The following GLS2 variants were observed in gnomAD, a reference collection of about 807,000 sequenced individuals.
GLS2 encodes glutaminase 2.
Under a neutral mutation model 79.0 loss-of-function variants are expected in GLS2, and 52 were observed. That is an observed-to-expected ratio of 0.66 (90% CI 0.53 to 0.83). The LOEUF (loss-of-function observed/expected upper bound fraction) is 0.83. Among genes scored for constraint, GLS2 ranks in the 40% least tolerant of loss-of-function variants. The pLI is 0.00. For missense variants in GLS2, 561 were observed against 764.8 expected (o/e 0.73, Z 3.14); for synonymous variants, 238 against 280.8 (o/e 0.85, Z 1.52).
rs768341870 is a variant in GLS2, at chr12:56,474,879, C to T, written c.1014G>A (p.Val338=). The T allele has an allele frequency of 3.7e-6, 6 of 1,614,156 alleles. No homozygotes were observed. The highest frequency in any genetic ancestry group is 5.1e-6 in the Non-Finnish European group (6 of 1,180,012). The part of the protein sequence containing the change: ...LKEKKCFPKG[V]DMMAALDLYF... ...AGAGATCAAGGGCAGCCATCATGTC[C>T]ACCCCCTTAGGAAAGCACTGCAAGG... Residue 338 remains valine (V), a synonymous_variant, in exon 11 of 18, where the codon GTG becomes GTA. Transcript: ENST00000311966.
chr12:56,479,987 G>A (rs1870157020), intron 2 of GLS2, 86 bp from the exon 3 acceptor site: 1 of 1,523,252 alleles, frequency 6.6e-7, no homozygotes, highest in Admixed American at 1.9e-5. Context: ...TACCCAATTA[G>A]CTGAACCCCA....
At chr12:56,473,774 T>C in intron 12 of GLS2, 180 bp from the exon 13 acceptor site, 1 of 677,512 alleles carries the variant, frequency 1.5e-6, no homozygotes, top group Non-Finnish European at 2.3e-6. Flanking sequence ...TTAAATTCAT[T>C]GATTCAGCTA....
chr12:56,481,199 C>CTTTTTTTTTTTTT (rs767616017), intron 1 of GLS2, among the ~76,000 whole-genome samples: 6 of 78,986 alleles, frequency 7.6e-5, no homozygotes, highest in East Asian at 4.4e-4. Flanking sequence ...TGCCAGTGAT[C>CTTTTTTTTTTTTT]TTTTTTTTTT....
Position 56,479,089 on chromosome 12 carries a change from C to G in GLS2, c.497G>C (p.Arg166Pro). 8 of 1,613,766 alleles carry G rather than the reference C, an allele frequency of 5.0e-6. No homozygotes were observed. The highest frequency in any genetic ancestry group is 6.8e-6 in the Non-Finnish European group (8 of 1,179,922). Residue 166 changes from arginine (R) to proline (P), a missense_variant, in exon 4 of 18, where the codon CGC becomes CCC. Arg to Pro is a moderately radical substitution (Grantham distance 103). Coordinates refer to ENST00000311966, the MANE Select transcript of GLS2 (RefSeq NM_013267.4). ...GAGCTCTTTGACATCCTCAAAGATGCGATCCACATGGCCCGTGAACTCCTC... is the reference window on the plus strand; with the variant it reads ...GAGCTCTTTGACATCCTCAAAGATGGGATCCACATGGCCCGTGAACTCCTC... ...DFEEFTGHVD[R>P]IFEDVKELTG...
At chr12:56,481,427 C>T (rs1400470467) in intron 1 of GLS2, among the ~76,000 whole-genome samples, 3 of 150,062 alleles carry the variant, frequency 2.0e-5, no homozygotes, top group African/African-American at 4.9e-5. Context: ...AGGCTGGTCT[C>T]GAACGCCTTA....
chr12:56,475,166 G>A (rs1245101388), intron 9 of GLS2, 56 bp from the exon 10 acceptor site: 1 of 1,610,890 alleles, frequency 6.2e-7, no homozygotes, highest in Non-Finnish European at 8.5e-7. Flanking sequence ...GTTGGGAGAA[G>A]GGGAAAAATT....
At chr12:56,475,221 G>C (rs1869700781) in intron 9 of GLS2, 111 bp from the exon 10 acceptor site, 7 of 1,599,952 alleles carry the variant, frequency 4.4e-6, no homozygotes, top group Non-Finnish European at 5.1e-6. Context: ...CAAACTAAAT[G>C]AACCCCTTTA....
At chr12:56,479,668 A>G in intron 3 of GLS2, 112 bp downstream of exon 3, 1 of 1,235,366 alleles carries the variant, frequency 8.1e-7, no homozygotes, top group Admixed American at 3.2e-5. Context: ...AATAAGTAAT[A>G]AAATAAAATG....
At chr12:56,475,230 T>C (rs1326438598) in intron 9 of GLS2, 120 bp from the exon 10 acceptor site, 3 of 1,595,914 alleles carry the variant, frequency 1.9e-6, no homozygotes, top group Non-Finnish European at 8.5e-7. Context: ...TGAACCCCTT[T>C]ATAACTTCTC....
intron 1 of GLS2, among the ~76,000 whole-genome samples, chr12:56,484,050 T>C (rs1870502303): frequency 1.3e-5 from 2 of 152,102 alleles, no homozygotes; most frequent in African/African-American, 4.8e-5. Context: ...GGTGGGCGGA[T>C]CATGAGGTAA....
rs1157053766 is a variant in GLS2, at chr12:56,487,949, T to G, written c.170A>C (p.Gln57Pro). The G allele has an allele frequency of 6.2e-7, 1 of 1,603,076 alleles. No individual in the cohort carries two copies. Among genetic ancestry groups the G allele is most frequent in the East Asian group, 2.2e-5 (1 of 44,862 alleles). The change falls in exon 1 of 18, where the codon CAG becomes CCG. Residue 57 changes from glutamine to proline, a missense_variant. Transcript: ENST00000311966. ...CCAGGAGCCTTACTGATCCTGGTGC[T>G]GCGGCTGGTGGCTGTGTGGCGTCTC... The part of the protein sequence containing the change: ...GRETPHSHQP[Q>P]HQDHDSSESG...
rs945155734 is a variant in GLS2 at position 56,479,534 on chromosome 12, C to A, written c.404+246G>T. The A allele has an allele frequency of 3.8e-5, 16 of 424,606 alleles. No homozygotes were observed. In the Admixed American group the frequency reaches 6.0e-4, roughly 16 times the overall value. The allele number at this position is 424,606 out of a possible 1,614,324, so 26.3% of individuals were successfully genotyped here. A position where few individuals can be genotyped will look rare whatever the true frequency, so the allele number is the denominator to read the frequency against. On this transcript the variant is annotated intron_variant, in intron 3 of 17. Transcript: ENST00000311966. ...TACATAGGACATTATCTAGAAGATACCCACTAATCTGCTAATATTTACTTC... is the reference window on the plus strand; with the variant it reads ...TACATAGGACATTATCTAGAAGATAACCACTAATCTGCTAATATTTACTTC...
intron 12 of GLS2, 180 bp downstream of exon 12, chr12:56,474,364 T>G (rs991030337): frequency 1.7e-5 from 12 of 715,478 alleles, no homozygotes; most frequent in Non-Finnish European, 6.8e-6. Context: ...CATCTCTTTA[T>G]ATATTCGAGG....
chr12:56,474,164 C>T (rs1355974546), intron 12 of GLS2: 1 of 233,904 alleles, frequency 4.3e-6, no homozygotes, highest in South Asian at 5.1e-5. Context: ...ACAATCTCGG[C>T]TCAGTGCAAC....
chr12:56,473,487 G>A lies in GLS2; in HGVS notation c.1332C>T (p.Ser444=), dbSNP rs757809933. Residue 444 remains serine (S), a synonymous_variant, in exon 13 of 18, where the codon AGC becomes AGT. Coordinates refer to ENST00000311966, the MANE Select transcript of GLS2 (RefSeq NM_013267.4). ...CCTGGCAGAAGCTGGTCCCCCTATG[G>A]CTGTTCCCCAGCTTGTCCAATGGGG... ...LSPPLDKLGN[S]HRGTSFCQKL... is the part of the protein sequence containing the mutation. The A allele has an allele frequency of 2.4e-5, 38 of 1,613,752 alleles. No individual in the cohort carries two copies. The highest frequency in any genetic ancestry group is 3.1e-5 in the Non-Finnish European group (36 of 1,179,930).
chr12:56,479,273 G>T lies in GLS2; in HGVS notation c.405-92C>A, dbSNP rs752163795. 2.5e-4 allele frequency: 377 copies of T among 1,512,144 alleles called. 1 individual carries two copies. Among genetic ancestry groups the T allele is most frequent in the Non-Finnish European group, 2.3e-4 (257 of 1,127,810 alleles). The allele number at this position is 1,512,144 out of a possible 1,614,324, so 93.7% of individuals were successfully genotyped here. ...GGAAATTGGGAATAAAGAAGGTTGA[G>T]TGGTCTTCAGGTTTGGGATCAACAG... On this transcript the variant is annotated intron_variant, in intron 3 of 17. Coordinates refer to ENST00000311966, the MANE Select transcript of GLS2 (RefSeq NM_013267.4).
intron 4 of GLS2, chr12:56,478,707 G>A (rs772703305): frequency 1.8e-4 from 48 of 264,226 alleles, no homozygotes; most frequent in Non-Finnish European, 2.9e-4. Context: ...GAGAAGCGAG[G>A]TATATCTAGG....
At chr12:56,481,107 A>G (rs918273144) in intron 1 of GLS2, among the ~76,000 whole-genome samples, 3 of 150,216 alleles carry the variant, frequency 2.0e-5, no homozygotes, top group African/African-American at 7.4e-5. Flanking sequence ...AATTGCCACT[A>G]CACTCTCTTG....
rs1450487568 is a variant in GLS2, at chr12:56,477,330, G to C, written c.837+330C>G. 4.2e-5 allele frequency: 9 copies of C among 216,128 alleles called. No individual in the cohort carries two copies. In the Admixed American group the frequency reaches 4.8e-4, roughly 11 times the overall value. The allele number at this position is 216,128 out of a possible 1,614,324, so 13.4% of individuals were successfully genotyped here. On this transcript the variant is annotated intron_variant, in intron 7 of 17. Coordinates refer to ENST00000311966, the MANE Select transcript of GLS2 (RefSeq NM_013267.4). ...TGGCCAATCAGTGCCCAATAGTGCT[G>C]TCCTCCCCTTGTCTCTGGCATTTGG...
Sources: gnomAD v4.1 joint callset for allele counts (sites outside exome capture counted in the v4.1 genomes callset) on GRCh38, gnomAD v4.1.1 for gene constraint, MANE v1.5 for transcripts, NCBI Gene and HGNC (gene_info 2026-07-23, HGNC 2026-07-21) for gene names.